The following DMD variants were observed in gnomAD, a reference collection of about 807,000 sequenced individuals.
DMD encodes the protein dystrophin.
In DMD, 63 loss-of-function variants were observed where a neutral mutation model predicts 330.1. The ratio of observed to expected loss-of-function variants is 0.19; its 90% CI spans 0.16 to 0.24. The LOEUF is 0.24. Ranked by LOEUF, DMD falls within the 10% of genes least tolerant of loss-of-function variation. The pLI, the probability that DMD is intolerant of heterozygous loss-of-function variation, is 1.00. For missense variants in DMD, 3,344 were observed against 2,684.1 expected (o/e 1.25, Z -5.43); for synonymous variants, 1,223 against 959.8 (o/e 1.27, Z -5.07).
At chrX:32,607,037 T>C (rs1259969029) in intron 12 of DMD, among the ~76,000 whole-genome samples, 3 of 109,386 alleles carry the variant, frequency 2.7e-5, no homozygotes, top group African/African-American at 6.6e-5. Flanking sequence ...CTATTGAGTA[T>C]AGTGTTCGCT....
At chrX:31,191,164 T>A (rs191706541) in intron 67 of DMD, among the ~76,000 whole-genome samples, 7 of 106,977 alleles carry the variant, frequency 6.5e-5, no homozygotes, top group African/African-American at 2.1e-4. Flanking sequence ...CCAAGCAAGG[T>A]AAAGCAGGTC....
At chrX:32,823,865 G>T (rs1007173784) in intron 4 of DMD, among the ~76,000 whole-genome samples, 2 of 111,384 alleles carry the variant, frequency 1.8e-5, no homozygotes, top group Non-Finnish European at 3.8e-5. Context: ...GTCTAGGACT[G>T]TGTTTGGAAA....
chrX:32,433,607 G>A (rs2098247593), intron 29 of DMD, among the ~76,000 whole-genome samples: 1 of 111,378 alleles, frequency 9.0e-6, no homozygotes, highest in African/African-American at 3.3e-5. Flanking sequence ...GAACCCGGGA[G>A]GAGGAGGTTG....
intron 43 of DMD, among the ~76,000 whole-genome samples, chrX:32,269,954 A>G (rs947606016): frequency 3.6e-5 from 4 of 112,212 alleles, no homozygotes; most frequent in Non-Finnish European, 7.5e-5. Context: ...ATGCTTTATT[A>G]TGAGTATTGC....
At chrX:31,870,318 T>G (rs1190960765) in intron 48 of DMD, among the ~76,000 whole-genome samples, 1 of 111,851 alleles carries the variant, frequency 8.9e-6, no homozygotes, top group Non-Finnish European at 1.9e-5. Context: ...ACCTCAGGAA[T>G]AAACTTTCTC....
At chrX:31,762,277 GA>G (rs1412305053) in intron 51 of DMD, among the ~76,000 whole-genome samples, 2 of 110,348 alleles carry the variant, frequency 1.8e-5, no homozygotes, top group African/African-American at 6.6e-5. Context: ...GAGACCACAG[GA>G]AAAAAAGTCT....
chrX:32,832,668 T>C (rs2079249077), intron 4 of DMD, among the ~76,000 whole-genome samples: 1 of 111,963 alleles, frequency 8.9e-6, no homozygotes, highest in African/African-American at 3.2e-5. Flanking sequence ...GGCAAAGTAG[T>C]TTCATTGCCC....
chrX:32,474,204 T>TACACACACACACAC lies in DMD; in HGVS notation c.2804-1896_2804-1895insGTGTGTGTGTGTGT, dbSNP rs1389594342. On this transcript the variant is annotated intron_variant, in intron 21 of 78. Coordinates refer to ENST00000357033, the MANE Select transcript of DMD (RefSeq NM_004006.3). ...TAGTATTCCATCATATATACATACA[T>TACACACACACACAC]ACATACACACACACACACACACACA... 6.0e-3 allele frequency among the ~76,000 whole-genome samples: 224 copies of TACACACACACACAC among 37,636 alleles called. 3 individuals carry two copies. The highest frequency in any genetic ancestry group is 0.01 in the African/African-American group (212 of 20,398). The allele number at this position is 37,636 out of a possible 115,157, so 32.7% of individuals were successfully genotyped here.
intron 23 of DMD, among the ~76,000 whole-genome samples, chrX:32,465,822 G>A (rs1317308018): frequency 9.0e-6 from 1 of 110,519 alleles, no homozygotes; most frequent in Non-Finnish European, 1.9e-5. Flanking sequence ...TTGACCTCGT[G>A]ATCTACCTGC....
At chrX:33,101,760 T>C (rs2095242002) in intron 1 of DMD, among the ~76,000 whole-genome samples, 1 of 112,837 alleles carries the variant, frequency 8.9e-6, no homozygotes, top group African/African-American at 3.2e-5. Context: ...TAAATGTTTA[T>C]TCCCTTTTCT....
At chrX:31,163,495 C>T (rs891888750) in intron 74 of DMD, among the ~76,000 whole-genome samples, 1 of 111,937 alleles carries the variant, frequency 8.9e-6, no homozygotes, top group Non-Finnish European at 1.9e-5. Context: ...TGCCTAGTTT[C>T]GTTAAATGTA....
chrX:32,870,975 A>G (rs1356098218), intron 2 of DMD, among the ~76,000 whole-genome samples: 10 of 79,416 alleles, frequency 1.3e-4, no homozygotes, highest in South Asian at 7.1e-4. Context: ...AAAAAAAAAA[A>G]AAAAAAAAAA....
At chrX:31,616,181 G>C (rs1383522272) in intron 55 of DMD, among the ~76,000 whole-genome samples, 1 of 111,783 alleles carries the variant, frequency 8.9e-6, no homozygotes, top group Non-Finnish European at 1.9e-5. Flanking sequence ...AATGTCAGAA[G>C]TACTAAACGT....
rs186503100 is a variant in DMD at position 32,644,886 on chromosome X, G to C, written c.1149+78C>G. The C allele has an allele frequency of 1.4e-5, 15 of 1,081,573 alleles. No individual in the cohort carries two copies. The African/African-American group carries it at 2.2e-4, about 16-fold the overall frequency. The allele number at this position is 1,081,573 out of a possible 1,213,427, so 89.1% of individuals were successfully genotyped here. On this transcript the variant is annotated intron_variant, in intron 10 of 78. Coordinates refer to ENST00000357033, the MANE Select transcript of DMD (RefSeq NM_004006.3). ...ATTTCCAAAATACAAGGATGTAAGA[G>C]AGTAATTGAGGAAAAAGGATGACTT...
At chrX:31,273,159 T>A (rs990079263) in intron 62 of DMD, among the ~76,000 whole-genome samples, 14 of 112,138 alleles carry the variant, frequency 1.2e-4, no homozygotes, top group Non-Finnish European at 2.4e-4. Flanking sequence ...TTAAAAAAAA[T>A]CAACGCAGCT....
chrX:32,753,391 A>C, intron 7 of DMD, among the ~76,000 whole-genome samples: 1 of 112,108 alleles, frequency 8.9e-6, no homozygotes, highest in Non-Finnish European at 1.9e-5. Flanking sequence ...GTGCTTAATG[A>C]ACATTTATGG....
chrX:31,136,549 T>C (rs937695913), intron 76 of DMD, among the ~76,000 whole-genome samples: 8 of 111,896 alleles, frequency 7.1e-5, no homozygotes, highest in African/African-American at 2.6e-4. Context: ...AGTGACAGTA[T>C]GCCTCACTGA....
rs780314018 is a variant in DMD at position 33,150,060 on chromosome X, G to A, written c.31+61222C>T. Among the ~76,000 whole-genome samples, 7 of 110,961 alleles carry A rather than the reference G, an allele frequency of 6.3e-5. 1 individual carries two copies. The highest frequency in any genetic ancestry group is 2.8e-4 in the East Asian group (1 of 3,520). On this transcript the variant is annotated intron_variant, in intron 1 of 78. Transcript: ENST00000357033. ...ACATGACTATAAAATAAAGAGATGC[G>A]TTCTTTCTAAAAAATACAAATTATC... is the stretch of plus-strand genomic sequence containing the variant.
chrX:32,734,206 T>C (rs1369031543), intron 7 of DMD, among the ~76,000 whole-genome samples: 1 of 107,940 alleles, frequency 9.3e-6, no homozygotes, highest in Non-Finnish European at 1.9e-5. Context: ...CTCCCAAGAC[T>C]AAACCAGGAA....
Sources: allele counts gnomAD v4.1 joint callset (sites outside exome capture counted in the v4.1 genomes callset), GRCh38; gene constraint gnomAD v4.1.1; transcripts MANE v1.5; gene names NCBI Gene and HGNC (gene_info 2026-07-23, HGNC 2026-07-21).